Variants in SLC2A4 observed in about 807,000 individuals in gnomAD.
SLC2A4 encodes solute carrier family 2, facilitated glucose transporter member 4.
In SLC2A4, 31 loss-of-function variants were observed where a neutral mutation model predicts 53.3. The observed-to-expected ratio is 0.58, with a 90% CI of 0.44 to 0.78. The LOEUF (loss-of-function observed/expected upper bound fraction) is 0.78. Ranked by LOEUF, SLC2A4 falls within the 30% of genes least tolerant of loss-of-function variation. The pLI, the probability that SLC2A4 is intolerant of heterozygous loss-of-function variation, is 0.00. For synonymous variants in SLC2A4, 276 were observed against 281.9 expected, an observed-to-expected ratio of 0.98 and a Z score of 0.21; for missense variants, 538 against 655.7, an observed-to-expected ratio of 0.82 and a Z score of 1.96.
In SLC2A4 at chr17:7,285,596, C is replaced by T. The variant is rs529804981; in HGVS notation, c.1123-109C>T. 2.4e-4 allele frequency: 247 copies of T among 1,049,604 alleles called. 1 individual carries two copies. The highest frequency in any genetic ancestry group is 3.5e-4 in the Non-Finnish European group (237 of 684,902). The allele number at this position is 1,049,604 out of a possible 1,614,324, so 65.0% of individuals were successfully genotyped here. ...CTGCTCTAACCCGGGACAGCAGGCC[C>T]CCTACAAGCTGCTGCGGAGGGGGTT... On this transcript the variant is annotated intron_variant, in intron 9 of 10. Transcript: ENST00000317370. The surrounding 1 kb of genome is among the most constrained non-coding windows in gnomAD (Gnocchi z 6.0).
In SLC2A4 at chr17:7,287,115, G is replaced by GGTTCTCTTTTTTTTTTT. The variant is rs542749322; in HGVS notation, c.*486_*487insGTTCTCTTTTTTTTTTT. 12 of 97,696 alleles carry GGTTCTCTTTTTTTTTTT rather than the reference G, an allele frequency of 1.2e-4. 3 individuals carry two copies. The highest frequency in any genetic ancestry group is 1.2e-4 in the Non-Finnish European group (6 of 49,466). 6.1% of individuals were successfully genotyped at this position (97,696 alleles called of 1,614,324 possible). On this transcript the variant is annotated 3_prime_UTR_variant, in exon 11 of 11. Transcript: ENST00000317370. ...TGCCACGCAGACTCTGGGCAAAGGG[G>GGTTCTCTTTTTTTTTTT]TTTTTTTTTTTTTTTTTTTTTTTTT...
rs571959160 is a variant in SLC2A4 at position 7,285,908 on chromosome 17, G to A, written c.1326G>A (p.Ala442=). 5.0e-6 allele frequency: 8 copies of A among 1,611,332 alleles called. No individual in the cohort carries two copies. The highest frequency in any genetic ancestry group is 3.3e-5 in the Admixed American group (2 of 59,918). Residue 442 remains alanine, a splice_region_variant and synonymous_variant, in exon 10 of 11, where the codon GCG becomes GCA. Transcript: ENST00000317370. The surrounding 1 kb of genome is among the most constrained non-coding windows in gnomAD (Gnocchi z 6.0). ...TTGGCATGGGTTTCCAGTATGTTGC[G>A]GTAGGTCCCCCCGCCCCAGCCTCCC... ...FIIGMGFQYV[A]EAMGPYVFLL... is the part of the protein sequence containing the mutation.
Position 7,285,926 on chromosome 17 carries a change from AG to A in SLC2A4, c.1326+19del. The A allele has an allele frequency of 1.2e-6, 2 of 1,606,396 alleles. No individual in the cohort carries two copies. The highest frequency in any genetic ancestry group is 1.7e-6 in the Non-Finnish European group (2 of 1,174,440). On this transcript the variant is annotated intron_variant, in intron 10 of 10. Coordinates refer to ENST00000317370, the MANE Select transcript of SLC2A4 (RefSeq NM_001042.3). This position sits in a 1 kb window ranked among gnomAD's most constrained non-coding sequence, Gnocchi z 6.0. ...ATGTTGCGGTAGGTCCCCCCGCCCC[AG>A]CCTCCCACACCGTAGGCCAGAGGTG...
Position 7,285,646 on chromosome 17 carries a change from G to A in SLC2A4, c.1123-59G>A. The A allele has an allele frequency of 1.3e-6, 2 of 1,539,560 alleles. No homozygotes were observed. Among genetic ancestry groups the A allele is most frequent in the African/African-American group, 1.4e-5 (1 of 73,588 alleles). ...TAGGTTTCACTTCTCTGAGTTGAGG[G>A]CAAGGGAAGATCAGAAAGGCCTCAA... is the stretch of plus-strand genomic sequence containing the variant. On this transcript the variant is annotated intron_variant, in intron 9 of 10. Transcript: ENST00000317370. This position sits in a 1 kb window ranked among gnomAD's most constrained non-coding sequence, Gnocchi z 6.0.
Position 7,285,822 on chromosome 17 carries a change from G to C in SLC2A4, c.1240G>C (p.Gly414Arg). ...WFIVAELFSQGPRPAAMAVAG... is the reference protein window; with the variant it reads ...WFIVAELFSQRPRPAAMAVAG... The stretch of plus-strand genomic sequence containing the variant: ...CATCGTGGCCGAGCTCTTCAGCCAG[G>C]GACCCCGCCCGGCAGCCATGGCTGT... Residue 414 changes from glycine (G) to arginine (R), a missense_variant, in exon 10 of 11, where the codon GGA becomes CGA. By Grantham distance (125) the Gly-to-Arg change is moderately radical (BLOSUM62 -2). Transcript: ENST00000317370. The surrounding 1 kb of genome is among the most constrained non-coding windows in gnomAD (Gnocchi z 6.0). 6.2e-7 allele frequency: 1 copy of C among 1,614,204 alleles called. No individual in the cohort carries two copies. The highest frequency in any genetic ancestry group is 8.5e-7 in the Non-Finnish European group (1 of 1,180,032).
chr17:7,286,387 A>C (rs2072449578), intron 10 of SLC2A4, 39 bp from the exon 11 acceptor site: 1 of 1,588,710 alleles, frequency 6.3e-7, no homozygotes, highest in Non-Finnish European at 8.6e-7. Context: ...TTCCCTCCCC[A>C]CCTCACTCCG....
Position 7,283,301 on chromosome 17 carries a change from T to G in SLC2A4, c.90T>G (p.Ser30=). 1 of 1,614,174 alleles carries G rather than the reference T, an allele frequency of 6.2e-7. No homozygotes were observed. The highest frequency in any genetic ancestry group is 8.5e-7 in the Non-Finnish European group (1 of 1,180,044). The change falls in exon 2 of 11, where the codon TCT becomes TCG. Residue 30 remains serine, a synonymous_variant. Transcript: ENST00000317370. This position sits in a 1 kb window ranked among gnomAD's most constrained non-coding sequence, Gnocchi z 5.8. ...VTGTLVLAVF[S]AVLGSLQFGY... ...GGACCCTGGTCCTTGCTGTGTTCTC[T>G]GCGGTGCTTGGCTCCCTGCAGTTTG...
intron 10 of SLC2A4, 34 bp from the exon 11 acceptor site, chr17:7,286,392 A>G (rs1348611977): frequency 2.5e-6 from 4 of 1,595,644 alleles, no homozygotes; most frequent in African/African-American, 1.4e-5. Context: ...TCCCCACCTC[A>G]CTCCGTCAAC....
Position 7,284,443 on chromosome 17 carries a change from C to T in SLC2A4, c.728-42C>T. ...TCCGCCTCATCTTGCTAGCACCTGG[C>T]TTCCTCTCAGGTCCCCTCAGGCCTG... On this transcript the variant is annotated intron_variant, in intron 6 of 10. Transcript: ENST00000317370. This position sits in a 1 kb window ranked among gnomAD's most constrained non-coding sequence, Gnocchi z 7.5. 1.2e-6 allele frequency: 2 copies of T among 1,614,016 alleles called. No individual in the cohort carries two copies. The highest frequency in any genetic ancestry group is 1.7e-6 in the Non-Finnish European group (2 of 1,179,860).
In SLC2A4 at chr17:7,286,893, A is replaced by C; in HGVS notation, c.*264A>C. 5 of 430,016 alleles carry C rather than the reference A, an allele frequency of 1.2e-5. No individual in the cohort carries two copies. The highest frequency in any genetic ancestry group is 2.0e-5 in the African/African-American group (1 of 49,174). 26.6% of individuals were successfully genotyped at this position (430,016 alleles called of 1,614,324 possible). On this transcript the variant is annotated 3_prime_UTR_variant, in exon 11 of 11. Coordinates refer to ENST00000317370, the MANE Select transcript of SLC2A4 (RefSeq NM_001042.3). ...CTCTCCCCTCCCTCTTCCTTCCCCC[A>C]TCCCCTTTCCTCCCCACCTTCCCCA...
chr17:7,288,159 G>GTA lies in SLC2A4; in HGVS notation c.*1530_*1531insTA, dbSNP rs2072468265. On this transcript the variant is annotated 3_prime_UTR_variant, in exon 11 of 11. Coordinates refer to ENST00000317370, the MANE Select transcript of SLC2A4 (RefSeq NM_001042.3). ...CAGCTGGAGACATGGCAGCAAGGATGCCAGGCCCTGCCCACGGCCCCACAT... is the reference window on the plus strand; with the variant it reads ...CAGCTGGAGACATGGCAGCAAGGATGTACCAGGCCCTGCCCACGGCCCCACAT... 1 of 153,636 alleles carries GTA rather than the reference G, an allele frequency of 6.5e-6. No homozygotes were observed. Among genetic ancestry groups the GTA allele is most frequent in the Non-Finnish European group, 1.5e-5 (1 of 68,854 alleles). 9.5% of individuals were successfully genotyped at this position (153,636 alleles called of 1,614,324 possible).
In SLC2A4 at chr17:7,283,490, C is replaced by T; in HGVS notation, c.168C>T (p.Tyr56=). 6.2e-7 allele frequency: 1 copy of T among 1,613,884 alleles called. No individual in the cohort carries two copies. Among genetic ancestry groups the T allele is most frequent in the Non-Finnish European group, 8.5e-7 (1 of 1,179,948 alleles). Residue 56 remains tyrosine (Y), a synonymous_variant, in exon 3 of 11, where the codon TAC becomes TAT. Coordinates refer to ENST00000317370, the MANE Select transcript of SLC2A4 (RefSeq NM_001042.3). This position sits in a 1 kb window ranked among gnomAD's most constrained non-coding sequence, Gnocchi z 5.8. ...NAPQKVIEQS[Y]NETWLGRQGP... is the part of the protein sequence containing the mutation. ...TCCCCCAGGTGATTGAACAGAGCTA[C>T]AATGAGACGTGGCTGGGGAGGCAGG...
At chr17:7,286,202 C>G (rs2072448123) in intron 10 of SLC2A4, 2 of 651,492 alleles carry the variant, frequency 3.1e-6, no homozygotes, top group South Asian at 3.6e-5. Context: ...AGTGCAGTAA[C>G]TGAGGATGGT....
Position 7,283,846 on chromosome 17 carries a change from C to T in SLC2A4, c.432C>T (p.Leu144=). The change falls in exon 4 of 11, where the codon CTC becomes CTT. Residue 144 remains leucine, a synonymous_variant. Transcript: ENST00000317370. The surrounding 1 kb of genome is among the most constrained non-coding windows in gnomAD (Gnocchi z 5.8). ...SYEMLILGRF[L]IGAYSGLTSG... is the part of the protein sequence containing the mutation. ...AAATGCTCATCCTTGGACGATTCCT[C>T]ATTGGCGCCTACTCAGGTACTCACG... 1 of 1,614,212 alleles carries T rather than the reference C, an allele frequency of 6.2e-7. No homozygotes were observed. Among genetic ancestry groups the T allele is most frequent in the Non-Finnish European group, 8.5e-7 (1 of 1,180,042 alleles).
At position 7,284,713 on chromosome 17, in the gene SLC2A4, A is replaced by C. The variant is rs1567602321; in HGVS notation, c.915+41A>C. On this transcript the variant is annotated intron_variant, in intron 7 of 10. Coordinates refer to ENST00000317370, the MANE Select transcript of SLC2A4 (RefSeq NM_001042.3). The surrounding 1 kb of genome is among the most constrained non-coding windows in gnomAD (Gnocchi z 7.5). ...CCTCCAGGCAGGGCACAGCCCCGGGAGGGTAGACGAGAGTGGGGAGCAAAC... is the reference window on the plus strand; with the variant it reads ...CCTCCAGGCAGGGCACAGCCCCGGGCGGGTAGACGAGAGTGGGGAGCAAAC... 1 of 1,612,172 alleles carries C rather than the reference A, an allele frequency of 6.2e-7. No homozygotes were observed. Among genetic ancestry groups the C allele is most frequent in the Admixed American group, 1.7e-5 (1 of 60,016 alleles).
At position 7,285,430 on chromosome 17, in the gene SLC2A4, T is replaced by C. The variant is rs1053824201; in HGVS notation, c.1122+241T>C. Among the ~76,000 whole-genome samples the C allele has an allele frequency of 6.6e-6, 1 of 152,136 alleles. No individual in the cohort carries two copies. The highest frequency in any genetic ancestry group is 1.5e-5 in the Non-Finnish European group (1 of 68,016). On this transcript the variant is annotated intron_variant, in intron 9 of 10. Transcript: ENST00000317370. The surrounding 1 kb of genome is among the most constrained non-coding windows in gnomAD (Gnocchi z 6.0). ...TCTGGCAGCCAGGAGGGAGAGCCCCTGTCAAGCCTCAGGAACAATCATTCC... is the reference window on the plus strand; with the variant it reads ...TCTGGCAGCCAGGAGGGAGAGCCCCCGTCAAGCCTCAGGAACAATCATTCC...
At position 7,284,918 on chromosome 17, in the gene SLC2A4, C is replaced by T; in HGVS notation, c.999C>T (p.Asn333=). 1.2e-6 allele frequency: 2 copies of T among 1,614,154 alleles called. No individual in the cohort carries two copies. The highest frequency in any genetic ancestry group is 1.7e-6 in the Non-Finnish European group (2 of 1,179,980). Residue 333 remains asparagine, a synonymous_variant, in exon 8 of 11, where the codon AAC becomes AAT. Coordinates refer to ENST00000317370, the MANE Select transcript of SLC2A4 (RefSeq NM_001042.3). The surrounding 1 kb of genome is among the most constrained non-coding windows in gnomAD (Gnocchi z 7.5). ...CCACCATAGGAGCTGGTGTGGTCAACACAGTCTTCACCTTGGTCTCGGTAA... is the reference window on the plus strand; with the variant it reads ...CCACCATAGGAGCTGGTGTGGTCAATACAGTCTTCACCTTGGTCTCGGTAA... The part of the protein sequence containing the change: ...AYATIGAGVV[N]TVFTLVSVLL...
At position 7,285,516 on chromosome 17, in the gene SLC2A4, C is replaced by T. The variant is rs1200497431; in HGVS notation, c.1123-189C>T. 1.3e-5 allele frequency among the ~76,000 whole-genome samples: 2 copies of T among 152,222 alleles called. No homozygotes were observed. The highest frequency in any genetic ancestry group is 2.9e-5 in the Non-Finnish European group (2 of 68,038). ...CGTCATAAGAACTGAGAGGCCATAA[C>T]ATTTCCTCTGCCTTGAACCCACTTG... On this transcript the variant is annotated intron_variant, in intron 9 of 10. Transcript: ENST00000317370. This position sits in a 1 kb window ranked among gnomAD's most constrained non-coding sequence, Gnocchi z 6.0.
At position 7,281,960 on chromosome 17, in the gene SLC2A4, G is replaced by T. The variant is rs777053264; in HGVS notation, c.26G>T (p.Gly9Val). 3.1e-6 allele frequency: 4 copies of T among 1,292,750 alleles called. No individual in the cohort carries two copies. The highest frequency in any genetic ancestry group is 4.4e-6 in the Non-Finnish European group (4 of 904,764). The allele number at this position is 1,292,750 out of a possible 1,614,324, so 80.1% of individuals were successfully genotyped here. A position where few individuals can be genotyped will look rare whatever the true frequency, so the allele number is the denominator to read the frequency against. The change falls in exon 1 of 11, where the codon GGC becomes GTC. Residue 9 changes from glycine (G) to valine (V), a missense_variant. Physicochemically the swap from Gly to Val is moderately radical, Grantham distance 109. Transcript: ENST00000317370. MPSGFQQI[G>V]SEDGEPPQQR... The stretch of plus-strand genomic sequence containing the variant: ...ATGCCGTCGGGCTTCCAACAGATAG[G>T]CTCCGAAGTAGGATTCATCATGAGG...
Sources: gnomAD v4.1 joint callset for allele counts (sites outside exome capture counted in the v4.1 genomes callset) on GRCh38, gnomAD v4.1.1 for gene constraint, Gnocchi (gnomAD v3.1) non-coding constraint, MANE v1.5 for transcripts, NCBI Gene and HGNC (gene_info 2026-07-23, HGNC 2026-07-21) for gene names.